The following CLCN5 variants were observed in gnomAD, a reference collection of about 807,000 sequenced individuals.
CLCN5 encodes Cl-/H+ antiporter 5.
CLCN5 carries 17 observed loss-of-function variants against 54.0 expected under a neutral mutation model. The observed-to-expected ratio is 0.31, with a 90% CI of 0.22 to 0.47. The LOEUF (loss-of-function observed/expected upper bound fraction) is 0.47. CLCN5 is among the 20% of genes least tolerant of loss of function. CLCN5 has a pLI of 1.00. For missense variants in CLCN5, 448 were observed against 646.7 expected (o/e 0.69, Z 3.33); for synonymous variants, 222 against 233.0 (o/e 0.95, Z 0.43).
At chrX:50,055,095 G>GAAA (rs1355642232) in intron 4 of CLCN5, among the ~76,000 whole-genome samples, 3 of 111,485 alleles carry the variant, frequency 2.7e-5, no homozygotes, top group Non-Finnish European at 5.6e-5. Context: ...CCTCACTGAT[G>GAAA]AGCTTTTCTA....
chrX:50,019,404 T>C (rs1217144396), intron 3 of CLCN5, among the ~76,000 whole-genome samples: 1 of 109,125 alleles, frequency 9.2e-6, no homozygotes, highest in Non-Finnish European at 1.9e-5. Context: ...CGGTATTATT[T>C]TGTAATACCA....
intron 3 of CLCN5, among the ~76,000 whole-genome samples, chrX:49,967,534 C>T (rs1927987258): frequency 1.1e-5 from 1 of 90,235 alleles, no homozygotes. Context: ...TAAATGTAAT[C>T]CAGCATATAA....
At chrX:49,995,705 A>G (rs782628422) in intron 3 of CLCN5, among the ~76,000 whole-genome samples, 3 of 112,160 alleles carry the variant, frequency 2.7e-5, no homozygotes, top group Non-Finnish European at 3.8e-5. Context: ...AACTGTGTCT[A>G]TTTTTACAGG....
intron 3 of CLCN5, among the ~76,000 whole-genome samples, chrX:49,969,718 C>G (rs1192458339): frequency 2.7e-5 from 3 of 112,029 alleles, no homozygotes; most frequent in Non-Finnish European, 5.6e-5. Context: ...TCTGTGTGCA[C>G]TTGAAAGTAA....
At chrX:50,088,951 C>T in intron 12 of CLCN5, 67 bp downstream of exon 12, 1 of 1,010,636 alleles carries the variant, frequency 9.9e-7, no homozygotes, top group Non-Finnish European at 1.4e-6. Context: ...GTTTATTAAA[C>T]ACAGTTGACT....
intron 3 of CLCN5, among the ~76,000 whole-genome samples, chrX:50,002,977 AAAG>A (rs1929946673): frequency 8.9e-6 from 1 of 111,936 alleles, no homozygotes; most frequent in Non-Finnish European, 1.9e-5. Flanking sequence ...AAATAAAGGA[AAAG>A]AAAGAAGGAA....
chrX:49,968,883 C>G (rs1928047721), intron 3 of CLCN5, among the ~76,000 whole-genome samples: 1 of 80,880 alleles, frequency 1.2e-5, no homozygotes, highest in South Asian at 4.8e-4. Context: ...AACAGGCAAC[C>G]TACAACATGG....
intron 3 of CLCN5, among the ~76,000 whole-genome samples, chrX:49,933,063 C>G (rs1226415195): frequency 8.1e-5 from 9 of 110,709 alleles, no homozygotes; most frequent in African/African-American, 2.6e-4. Flanking sequence ...GAGAAGCCAT[C>G]TGGTCCTGCT....
chrX:50,039,796 G>A (rs1017731213), intron 3 of CLCN5, among the ~76,000 whole-genome samples: 18 of 110,233 alleles, frequency 1.6e-4, no homozygotes, highest in Non-Finnish European at 1.3e-4. Context: ...GGTTTCAAGC[G>A]ATTCTCCTGC....
At chrX:50,053,415 T>C (rs1013234044) in intron 4 of CLCN5, among the ~76,000 whole-genome samples, 1 of 111,365 alleles carries the variant, frequency 9.0e-6, no homozygotes, top group Non-Finnish European at 1.9e-5. Context: ...GTCTCCGCTC[T>C]TTTTTTTCTT....
Position 50,025,711 on chromosome X carries a change from C to T in CLCN5, c.17-16605C>T, listed in dbSNP as rs184218269. 3.2e-4 allele frequency among the ~76,000 whole-genome samples: 36 copies of T among 111,352 alleles called. No individual in the cohort carries two copies. In the East Asian group the frequency reaches 9.0e-3, roughly 28 times the overall value. On this transcript the variant is annotated intron_variant, in intron 3 of 14. Coordinates refer to ENST00000376091, the MANE Select transcript of CLCN5 (RefSeq NM_001127898.4). ...TTGCACTCTGTTTCTCTCTCTCTCT[C>T]TGTCATCCCGTTTCCTTTTCCCCTC...
In CLCN5 at chrX:50,094,505, T is replaced by C. The variant is rs1934198515; in HGVS notation, c.*2286T>C. 8.9e-6 allele frequency: 1 copy of C among 112,699 alleles called. No homozygotes were observed. The highest frequency in any genetic ancestry group is 9.4e-5 in the Admixed American group (1 of 10,607). 9.3% of individuals were successfully genotyped at this position (112,699 alleles called of 1,213,427 possible). On this transcript the variant is annotated 3_prime_UTR_variant, in exon 15 of 15. Coordinates refer to ENST00000376091, the MANE Select transcript of CLCN5 (RefSeq NM_001127898.4). ...TTAATGACAATGAAAGGTTTGGTCA[T>C]ATTTCATAGTGCAGTAGCGATAAGG...
chrX:50,005,611 T>C (rs1020816908), intron 3 of CLCN5, among the ~76,000 whole-genome samples: 1 of 111,961 alleles, frequency 8.9e-6, no homozygotes, highest in Non-Finnish European at 1.9e-5. Flanking sequence ...TATAATAAAC[T>C]CATAGATTTA....
chrX:50,077,723 C>A, intron 7 of CLCN5, among the ~76,000 whole-genome samples: 1 of 92,084 alleles, frequency 1.1e-5, no homozygotes. Context: ...GGCCTGTAAT[C>A]CCAGCACTTT....
intron 3 of CLCN5, among the ~76,000 whole-genome samples, chrX:50,031,455 G>C (rs1557185856): frequency 9.0e-6 from 1 of 111,327 alleles, no homozygotes; most frequent in African/African-American, 3.3e-5. Flanking sequence ...TATAGTCTGT[G>C]AGTTATTGAG....
intron 3 of CLCN5, among the ~76,000 whole-genome samples, chrX:49,972,383 T>C (rs113559204): frequency 0.074 from 8,231 of 111,247 alleles, 765 homozygotes; most frequent in African/African-American, 0.26. Flanking sequence ...AAGTTTTATA[T>C]TGTACGTAAT....
intron 3 of CLCN5, among the ~76,000 whole-genome samples, chrX:49,938,950 A>G (rs1323387567): frequency 2.0e-5 from 2 of 101,955 alleles, no homozygotes; most frequent in Non-Finnish European, 4.0e-5. Flanking sequence ...ACAAGAAAAC[A>G]AGCAACCCCA....
intron 12 of CLCN5, 137 bp downstream of exon 12, chrX:50,089,021 A>G: frequency 1.8e-6 from 1 of 563,774 alleles, no homozygotes; most frequent in Non-Finnish European, 3.0e-6. Context: ...CAAGCACATT[A>G]AGAAAGCATC....
intron 3 of CLCN5, among the ~76,000 whole-genome samples, chrX:50,002,679 CTCTGTGTGTG>C (rs1471637886): frequency 1.0e-5 from 1 of 100,490 alleles, no homozygotes; most frequent in Non-Finnish European, 2.0e-5. Context: ...CTCTCTCTCT[CTCTGTGTGTG>C]TGTGTGTGTG....
Sources: allele counts gnomAD v4.1 joint callset (sites outside exome capture counted in the v4.1 genomes callset), GRCh38; gene constraint gnomAD v4.1.1; transcripts MANE v1.5; gene names NCBI Gene and HGNC (gene_info 2026-07-23, HGNC 2026-07-21).